ADAM22: variants seen among roughly 807,000 people sequenced by gnomAD.
The protein encoded by ADAM22 is disintegrin and metalloproteinase domain-containing protein 22.
A neutral mutation model predicts 144.6 loss-of-function variants in ADAM22; 65 were observed. The ratio of observed to expected loss-of-function variants is 0.45; its 90% CI spans 0.37 to 0.55. The LOEUF (loss-of-function observed/expected upper bound fraction) is 0.55. Among genes scored for constraint, ADAM22 ranks in the 20% least tolerant of loss-of-function variants. The probability of loss-of-function intolerance (pLI) is 0.00; values close to 1 mark genes in which losing one functional copy is unlikely to be tolerated. For missense variants in ADAM22, 974 were observed against 1,184.9 expected (o/e 0.82, Z 2.61); for synonymous variants, 391 against 412.6 (o/e 0.95, Z 0.63).
intron 29 of ADAM22, among the ~76,000 whole-genome samples, chr7:88,182,636 C>CT (rs201130512): frequency 8.6e-5 from 13 of 151,072 alleles, no homozygotes; most frequent in South Asian, 2.1e-4. Flanking sequence ...CATGCATTTA[C>CT]TTTTTTTTTA....
chr7:88,037,594 T>TTTTTTA (rs1181734591), intron 3 of ADAM22, among the ~76,000 whole-genome samples: 2 of 152,122 alleles, frequency 1.3e-5, no homozygotes, highest in East Asian at 3.8e-4. Flanking sequence ...TGTGTTTTAT[T>TTTTTTA]TTTTTATTTT....
In ADAM22 at chr7:87,976,538, T is replaced by C. The variant is rs557697452; in HGVS notation, c.247-1798T>C. 6.6e-5 allele frequency among the ~76,000 whole-genome samples: 10 copies of C among 152,120 alleles called. No homozygotes were observed. In the East Asian group the frequency reaches 1.9e-3, roughly 29 times the overall value. ...TCCAGCCTCCAGAACTGCAAGAAAA[T>C]AAATTTCTATTTAGGCCACCCAGTC... On this transcript the variant is annotated intron_variant, in intron 2 of 31. Coordinates refer to ENST00000413139, the MANE Select transcript of ADAM22 (RefSeq NM_001324418.2).
chr7:88,112,808 G>T (rs531253912), intron 5 of ADAM22, among the ~76,000 whole-genome samples: 6 of 152,186 alleles, frequency 3.9e-5, no homozygotes, highest in Admixed American at 1.3e-4. Context: ...CTTGGGTTCA[G>T]GTGATCCTCC....
At chr7:88,083,671 ACATTTTGT>A (rs1349268221) in intron 4 of ADAM22, among the ~76,000 whole-genome samples, 22 of 149,402 alleles carry the variant, frequency 1.5e-4, no homozygotes, top group Non-Finnish European at 3.1e-4. Flanking sequence ...AGACTTTAGG[ACATTTTGT>A]CAGTAAATAC....
chr7:88,200,996 T>C lies in ADAM22; in HGVS notation c.*4505T>C, dbSNP rs1851164706. The C allele has an allele frequency of 6.6e-6, 1 of 152,248 alleles. No homozygotes were observed. Among genetic ancestry groups the C allele is most frequent in the Non-Finnish European group, 1.5e-5 (1 of 68,056 alleles). 9.4% of individuals were successfully genotyped at this position (152,248 alleles called of 1,614,324 possible). ...TTAAAAGTACACCTGCTGGGAATTG[T>C]TGGCACATGCTCATAGCATATGCTC... On this transcript the variant is annotated 3_prime_UTR_variant, in exon 32 of 32. Coordinates refer to ENST00000413139, the MANE Select transcript of ADAM22 (RefSeq NM_001324418.2).
chr7:88,086,223 G>T (rs541913795), intron 4 of ADAM22, among the ~76,000 whole-genome samples: 159 of 152,138 alleles, frequency 1.0e-3, no homozygotes, highest in African/African-American at 3.6e-3. Flanking sequence ...TTTCTCTTTT[G>T]TCCCCCCCTT....
In ADAM22 at chr7:88,179,690, T is replaced by A. The variant is rs538840743; in HGVS notation, c.2495+561T>A. Among the ~76,000 whole-genome samples, 137 of 152,212 alleles carry A rather than the reference T, an allele frequency of 9.0e-4. No homozygotes were observed. In the Middle Eastern group the frequency reaches 0.014, roughly 15 times the overall value. On this transcript the variant is annotated intron_variant, in intron 27 of 31. Transcript: ENST00000413139. Reference sequence around the variant, plus strand: ...ATATTATTTATGTCTTAGACACTGATGCTATATTCTTATTCTAGCATCTTA... The same window carrying A: ...ATATTATTTATGTCTTAGACACTGAAGCTATATTCTTATTCTAGCATCTTA...
At chr7:88,164,865 C>T (rs1842594296) in intron 23 of ADAM22, among the ~76,000 whole-genome samples, 1 of 152,068 alleles carries the variant, frequency 6.6e-6, no homozygotes, top group South Asian at 2.1e-4. Context: ...CTTGAAGAAG[C>T]CAGGCGACCT....
At chr7:88,126,762 T>C (rs1388340388) in intron 8 of ADAM22, among the ~76,000 whole-genome samples, 3 of 151,978 alleles carry the variant, frequency 2.0e-5, no homozygotes, top group Non-Finnish European at 2.9e-5. Context: ...GCATTTCTTT[T>C]GAGTGTCCTA....
chr7:88,113,703 A>ATATATATATTATAAATATATATATAT (rs1554478728), intron 5 of ADAM22, among the ~76,000 whole-genome samples: 3 of 48,104 alleles, frequency 6.2e-5, no homozygotes, highest in African/African-American at 2.4e-4. Context: ...TAAATAAATA[A>ATATATATATTATAAATATATATATAT]ATATATATAT....
At chr7:88,068,541 G>A (rs1164479710) in intron 3 of ADAM22, among the ~76,000 whole-genome samples, 1 of 152,178 alleles carries the variant, frequency 6.6e-6, no homozygotes, top group Non-Finnish European at 1.5e-5. Context: ...GGAAAACATA[G>A]TAATTTGGGG....
chr7:88,157,440 CA>C (rs1299905742), intron 22 of ADAM22, among the ~76,000 whole-genome samples: 3 of 152,034 alleles, frequency 2.0e-5, no homozygotes, highest in Admixed American at 2.0e-4. Flanking sequence ...AAATTATTTC[CA>C]AACTAGAATT....
intron 2 of ADAM22, 22 bp downstream of exon 2, chr7:87,935,208 G>A: frequency 6.4e-7 from 1 of 1,560,310 alleles, no homozygotes; most frequent in South Asian, 1.2e-5. Context: ...GGTCCGGGAG[G>A]TGGTCCTCCG....
At chr7:88,152,034 T>C (rs1380094850) in intron 20 of ADAM22, among the ~76,000 whole-genome samples, 2 of 152,216 alleles carry the variant, frequency 1.3e-5, no homozygotes, top group African/African-American at 4.8e-5. Flanking sequence ...GGAAAAAGGC[T>C]ATAAAAATAA....
chr7:88,168,352 C>CA, intron 25 of ADAM22, 125 bp downstream of exon 25: 1 of 942,176 alleles, frequency 1.1e-6, no homozygotes, highest in Non-Finnish European at 1.7e-6. Context: ...CAGCTTGGCT[C>CA]AGCAGCCAGT....
intron 2 of ADAM22, among the ~76,000 whole-genome samples, chr7:87,952,498 G>C (rs1317950401): frequency 6.6e-6 from 1 of 151,970 alleles, no homozygotes; most frequent in Non-Finnish European, 1.5e-5. Context: ...AAGCCCACTT[G>C]ATCATGGTGG....
At chr7:87,976,810 C>G (rs1851990511) in intron 2 of ADAM22, among the ~76,000 whole-genome samples, 2 of 151,064 alleles carry the variant, frequency 1.3e-5, no homozygotes, top group Non-Finnish European at 2.9e-5. Flanking sequence ...ACCATTATGC[C>G]TGGGGTGGGG....
At chr7:87,949,482 C>A (rs1001588090) in intron 2 of ADAM22, among the ~76,000 whole-genome samples, 2 of 152,194 alleles carry the variant, frequency 1.3e-5, no homozygotes, top group Non-Finnish European at 2.9e-5. Flanking sequence ...AGCTATTTAA[C>A]CTTTTTGTGT....
chr7:88,038,190 G>A (rs146758801), intron 3 of ADAM22, among the ~76,000 whole-genome samples: 225 of 152,254 alleles, frequency 1.5e-3, no homozygotes, highest in African/African-American at 5.2e-3. Context: ...TTCTATGGGA[G>A]AGAATGTAGA....
Sources: allele counts gnomAD v4.1 joint callset (sites outside exome capture counted in the v4.1 genomes callset), GRCh38; gene constraint gnomAD v4.1.1; transcripts MANE v1.5; gene names NCBI Gene and HGNC (gene_info 2026-07-23, HGNC 2026-07-21).